The following NAV3 variants were observed in gnomAD, a reference collection of about 807,000 sequenced individuals.
NAV3 encodes neuron navigator 3.
In NAV3, 87 loss-of-function variants were observed where a neutral mutation model predicts 244.7. That is an observed-to-expected ratio of 0.36 (90% CI 0.30 to 0.42). The LOEUF (loss-of-function observed/expected upper bound fraction) is 0.42. Ranked by LOEUF, NAV3 falls within the 20% of genes least tolerant of loss-of-function variation. The pLI, the probability that NAV3 is intolerant of heterozygous loss-of-function variation, is 1.00. For synonymous variants in NAV3, 1,126 were observed against 1,042.2 expected (o/e 1.08, Z -1.55); for missense variants, 2,663 against 2,893.3 (o/e 0.92, Z 1.83).
chr12:78,179,150 A>G (rs1316235878), intron 28 of NAV3, among the ~76,000 whole-genome samples: 3 of 152,098 alleles, frequency 2.0e-5, no homozygotes, highest in Admixed American at 6.6e-5. Flanking sequence ...CTGCTCTTAT[A>G]AAAGAATAGT....
At chr12:77,670,747 A>T (rs1272311151) in intron 2 of NAV3, among the ~76,000 whole-genome samples, 1 of 152,124 alleles carries the variant, frequency 6.6e-6, no homozygotes, top group Non-Finnish European at 1.5e-5. Context: ...TCCCATTATG[A>T]TTAAAACCAT....
intron 9 of NAV3, among the ~76,000 whole-genome samples, chr12:78,030,067 A>G (rs1039893085): frequency 3.3e-5 from 5 of 152,188 alleles, no homozygotes; most frequent in Non-Finnish European, 4.4e-5. Flanking sequence ...ACATAGGTGA[A>G]TTTTGACTTG....
chr12:77,707,156 C>G (rs1456746725), intron 2 of NAV3, among the ~76,000 whole-genome samples: 2 of 150,800 alleles, frequency 1.3e-5, no homozygotes, highest in Non-Finnish European at 2.9e-5. Flanking sequence ...TGTGCTGCAC[C>G]CATTAACTCG....
chr12:78,013,062 A>G (rs1875579950), intron 8 of NAV3, among the ~76,000 whole-genome samples: 1 of 152,162 alleles, frequency 6.6e-6, no homozygotes, highest in African/African-American at 2.4e-5. Flanking sequence ...CTCACTTCCT[A>G]TAAATGGGAG....
rs763630552 is a variant in NAV3 at position 78,007,253 on chromosome 12, A to G, written c.1715A>G (p.Glu572Gly). The change falls in exon 8 of 40, where the codon GAG becomes GGG. Residue 572 changes from glutamate to glycine, a missense_variant. By Grantham distance (98) the Glu-to-Gly change is moderately conservative (BLOSUM62 -2). This residue lies in a region of NAV3 where 1,521 missense variants were observed against 1,497.0 expected (regional missense o/e 1.02). Transcript: ENST00000397909. Reference protein sequence around the residue: ...SQSLSKPITMEKASASSCPAP... With the variant: ...SQSLSKPITMGKASASSCPAP... ...TCCTTATCTAAGCCTATAACCATGG[A>G]GAAAGCAAGTGCTTCTAGTTGTCCT... 1 of 1,614,196 alleles carries G rather than the reference A, an allele frequency of 6.2e-7. No homozygotes were observed. The highest frequency in any genetic ancestry group is 2.2e-5 in the East Asian group (1 of 44,870).
At chr12:77,741,135 G>GAAAA (rs71088333) in intron 2 of NAV3, among the ~76,000 whole-genome samples, 2 of 60,748 alleles carry the variant, frequency 3.3e-5, no homozygotes, top group East Asian at 3.7e-4. Context: ...AATAGTCAAA[G>GAAAA]AAAAAAAAAA....
At chr12:78,186,120 T>C (rs1225818721) in intron 31 of NAV3, among the ~76,000 whole-genome samples, 1 of 151,828 alleles carries the variant, frequency 6.6e-6, no homozygotes, top group Non-Finnish European at 1.5e-5. Flanking sequence ...GAAAGACACA[T>C]GTTCTACTGA....
At chr12:77,919,651 A>G (rs979173401) in intron 1 of NAV3, among the ~76,000 whole-genome samples, 5 of 152,068 alleles carry the variant, frequency 3.3e-5, no homozygotes, top group African/African-American at 1.2e-4. Flanking sequence ...ATTGAAGGAC[A>G]TCTTTATATC....
At chr12:78,185,463 C>A in intron 30 of NAV3, 138 bp from the exon 31 acceptor site, 1 of 645,324 alleles carries the variant, frequency 1.5e-6, no homozygotes, top group Non-Finnish European at 2.5e-6. Flanking sequence ...AAAGCTGAGG[C>A]TTTTCAAATC....
intron 2 of NAV3, among the ~76,000 whole-genome samples, chr12:77,660,913 G>C (rs1013764486): frequency 6.6e-6 from 1 of 152,098 alleles, no homozygotes; most frequent in African/African-American, 2.4e-5. Context: ...GTTGTTGCAT[G>C]AGCCGTAGTT....
chr12:77,613,467 A>C (rs749546187), intron 2 of NAV3, among the ~76,000 whole-genome samples: 13 of 152,262 alleles, frequency 8.5e-5, no homozygotes, highest in Non-Finnish European at 1.8e-4. Flanking sequence ...GCCTTTTTAC[A>C]TGAAAATCAT....
chr12:77,638,779 C>T (rs1872267634), intron 2 of NAV3, among the ~76,000 whole-genome samples: 1 of 152,140 alleles, frequency 6.6e-6, no homozygotes, highest in African/African-American at 2.4e-5. Context: ...CATTGTCTGC[C>T]ATGGCCAGGT....
rs1422339785 is a variant in NAV3, at chr12:78,184,169, ACTTT to A, written c.5693-1425_5693-1422del. On this transcript the variant is annotated intron_variant, in intron 30 of 39. Transcript: ENST00000397909. Reference sequence around the variant, plus strand: ...CATACTCCAAAAAAACAAGGAATTCACTTTCTTTCTCATCTTGGTATTCATTCCC... The same window carrying A: ...CATACTCCAAAAAAACAAGGAATTCACTTTCTCATCTTGGTATTCATTCCC... Among the ~76,000 whole-genome samples, 15 of 152,032 alleles carry A rather than the reference ACTTT, an allele frequency of 9.9e-5. 1 individual carries two copies. In the South Asian group the frequency reaches 2.3e-3, roughly 23 times the overall value.
At chr12:78,185,966 C>A (rs1958698772) in intron 31 of NAV3, among the ~76,000 whole-genome samples, 1 of 151,796 alleles carries the variant, frequency 6.6e-6, no homozygotes, top group African/African-American at 2.4e-5. Context: ...ATAGTTATTT[C>A]TTTGGCAAAC....
chr12:78,114,100 T>C lies in NAV3; in HGVS notation c.2637-2672T>C, dbSNP rs113698831. Among the ~76,000 whole-genome samples, 1,488 of 152,326 alleles carry C rather than the reference T, an allele frequency of 9.8e-3. 14 individuals are homozygous for C. The highest frequency in any genetic ancestry group is 0.014 in the Non-Finnish European group (945 of 68,022). On this transcript the variant is annotated intron_variant, in intron 12 of 39. Transcript: ENST00000397909. ...AAAGCATAACAAGAGTCACCTTTGC[T>C]CCAGTTCCCAACAAGTTCCTCATCT...
intron 1 of NAV3, among the ~76,000 whole-genome samples, chr12:77,928,613 G>T (rs536697720): frequency 6.6e-6 from 1 of 152,200 alleles, no homozygotes; most frequent in Admixed American, 6.5e-5. Flanking sequence ...TGAATGACAT[G>T]GTTTGTGTTA....
chr12:77,971,255 T>C (rs957153775), intron 5 of NAV3, among the ~76,000 whole-genome samples: 7 of 152,116 alleles, frequency 4.6e-5, no homozygotes, highest in African/African-American at 1.7e-4. Context: ...AAGGCTGTGG[T>C]AGACTTTTAG....
intron 9 of NAV3, among the ~76,000 whole-genome samples, chr12:78,048,013 T>TA (rs1882118924): frequency 6.6e-6 from 1 of 152,178 alleles, no homozygotes; most frequent in Admixed American, 6.5e-5. Flanking sequence ...TATTTCTACT[T>TA]ATGTATGCTT....
chr12:77,823,165 A>G (rs1167617049), intron 2 of NAV3, among the ~76,000 whole-genome samples: 1 of 152,174 alleles, frequency 6.6e-6, no homozygotes, highest in East Asian at 1.9e-4. Flanking sequence ...TAGAGTTCAG[A>G]AGTTTTGCTG....
Sources: gnomAD v4.1 joint callset for allele counts (sites outside exome capture counted in the v4.1 genomes callset) on GRCh38, gnomAD v4.1.1 for gene constraint, gnomAD v4.1.1 regional missense constraint, MANE v1.5 for transcripts, NCBI Gene and HGNC (gene_info 2026-07-23, HGNC 2026-07-21) for gene names.